ADCY2: variants seen among roughly 807,000 people sequenced by gnomAD.
ADCY2 encodes the protein adenylate cyclase type 2.
In ADCY2, 31 loss-of-function variants were observed where a neutral mutation model predicts 125.2. The observed-to-expected ratio is 0.25, with a 90% confidence interval of 0.19 to 0.33. The LOEUF (loss-of-function observed/expected upper bound fraction) is 0.33. ADCY2 is among the 10% of genes least tolerant of loss of function. The probability of loss-of-function intolerance (pLI) is 1.00; values close to 1 mark genes in which losing one functional copy is unlikely to be tolerated. For synonymous variants in ADCY2, 512 were observed against 548.4 expected, an observed-to-expected ratio of 0.93 and a Z score of 0.93; for missense variants, 904 against 1,418.2, an observed-to-expected ratio of 0.64 and a Z score of 5.82.
chr5:7,785,872 C>T (rs897920415), intron 19 of ADCY2, among the ~76,000 whole-genome samples: 1 of 152,096 alleles, frequency 6.6e-6, no homozygotes, highest in Non-Finnish European at 1.5e-5. Context: ...TGTTATTGGT[C>T]GTTGAGATGA....
chr5:7,578,873 C>A (rs983878360), intron 3 of ADCY2, among the ~76,000 whole-genome samples: 2 of 152,122 alleles, frequency 1.3e-5, no homozygotes, highest in African/African-American at 4.8e-5. Flanking sequence ...CAAATACGGT[C>A]CATCCTGGTT....
At chr5:7,687,261 C>T (rs1740550742) in intron 4 of ADCY2, among the ~76,000 whole-genome samples, 1 of 152,118 alleles carries the variant, frequency 6.6e-6, no homozygotes, top group Non-Finnish European at 1.5e-5. Flanking sequence ...TTAAATGAGG[C>T]TCTGAGTGTG....
chr5:7,692,327 C>T (rs1435834652), intron 5 of ADCY2: 1 of 152,094 alleles, frequency 6.6e-6, no homozygotes, highest in Non-Finnish European at 1.5e-5. Context: ...CTATATAATA[C>T]CCAAGCATAC....
At position 7,540,820 on chromosome 5, in the gene ADCY2, A is replaced by G. The variant is rs893835964; in HGVS notation, c.570+19921A>G. 3.3e-5 allele frequency among the ~76,000 whole-genome samples: 5 copies of G among 151,846 alleles called. No homozygotes were observed. The South Asian group carries it at 8.4e-4, about 25-fold the overall frequency. Reference sequence around the variant, plus strand: ...TGCTTCTCCTGCTTTCCCACCTTCTATTCTCTCATTTGAATTTGGTCCGGA... The same window carrying G: ...TGCTTCTCCTGCTTTCCCACCTTCTGTTCTCTCATTTGAATTTGGTCCGGA... On this transcript the variant is annotated intron_variant, in intron 3 of 24. Coordinates refer to ENST00000338316, the MANE Select transcript of ADCY2 (RefSeq NM_020546.3).
At chr5:7,502,032 C>G (rs1743613139) in intron 2 of ADCY2, among the ~76,000 whole-genome samples, 1 of 152,130 alleles carries the variant, frequency 6.6e-6, no homozygotes, top group Non-Finnish European at 1.5e-5. Flanking sequence ...CAGACACAAC[C>G]ACGCTGTACC....
chr5:7,681,041 T>A (rs1212996381), intron 4 of ADCY2, among the ~76,000 whole-genome samples: 1 of 152,228 alleles, frequency 6.6e-6, no homozygotes, highest in East Asian at 1.9e-4. Flanking sequence ...AACACCTTTA[T>A]TTTTGAGTTT....
At chr5:7,453,467 T>C (rs1579458603) in intron 2 of ADCY2, among the ~76,000 whole-genome samples, 1 of 152,140 alleles carries the variant, frequency 6.6e-6, no homozygotes, top group African/African-American at 2.4e-5. Flanking sequence ...TTACTGGCGG[T>C]GAATCCCTGT....
intron 22 of ADCY2, among the ~76,000 whole-genome samples, chr5:7,814,935 T>C (rs574683164): frequency 1.3e-5 from 2 of 152,250 alleles, no homozygotes; most frequent in South Asian, 4.1e-4. Flanking sequence ...CCAGCGTGCC[T>C]TGCTGGTTCC....
Position 7,568,619 on chromosome 5 carries a change from C to A in ADCY2, c.570+47720C>A, listed in dbSNP as rs542599434. Among the ~76,000 whole-genome samples the A allele has an allele frequency of 3.3e-5, 5 of 152,202 alleles. No individual in the cohort carries two copies. In the South Asian group the frequency reaches 1.0e-3, roughly 32 times the overall value. ...TTCTAATAAAGGCAATGGTTTCACA[C>A]CAGATAGGCTGTTTGCTGCTGCTGC... is the stretch of plus-strand genomic sequence containing the variant. On this transcript the variant is annotated intron_variant, in intron 3 of 24. Coordinates refer to ENST00000338316, the MANE Select transcript of ADCY2 (RefSeq NM_020546.3).
chr5:7,441,896 C>T (rs527308261), intron 2 of ADCY2, among the ~76,000 whole-genome samples: 2 of 152,316 alleles, frequency 1.3e-5, no homozygotes, highest in South Asian at 4.1e-4. Flanking sequence ...GCAGCCTCAG[C>T]TCCTGCCTCA....
intron 2 of ADCY2, among the ~76,000 whole-genome samples, chr5:7,458,235 C>A (rs1741779959): frequency 6.6e-6 from 1 of 151,974 alleles, no homozygotes; most frequent in South Asian, 2.1e-4. Flanking sequence ...AATTAATGAA[C>A]TTTGGACCAA....
chr5:7,720,637 ACATG>A (rs921996568), intron 12 of ADCY2, among the ~76,000 whole-genome samples: 1 of 152,008 alleles, frequency 6.6e-6, no homozygotes, highest in African/African-American at 2.4e-5. Context: ...ATGAGTGAGA[ACATG>A]CGGTGTTTGG....
At chr5:7,572,015 C>T (rs529324273) in intron 3 of ADCY2, among the ~76,000 whole-genome samples, 8 of 152,142 alleles carry the variant, frequency 5.3e-5, no homozygotes, top group Non-Finnish European at 1.2e-4. Flanking sequence ...GTATATATAC[C>T]ACATTTTCTT....
chr5:7,599,059 A>G (rs117473348), intron 3 of ADCY2, among the ~76,000 whole-genome samples: 2,905 of 152,212 alleles, frequency 0.019, 236 homozygotes, highest in Admixed American at 0.15. Context: ...TGACAGATGG[A>G]TTTGTGTAGG....
At chr5:7,656,067 T>G (rs1739313918) in intron 4 of ADCY2, among the ~76,000 whole-genome samples, 2 of 151,468 alleles carry the variant, frequency 1.3e-5, no homozygotes, top group Admixed American at 1.3e-4. Flanking sequence ...TTTTTTTTTT[T>G]TTTTGAGAAG....
intron 2 of ADCY2, among the ~76,000 whole-genome samples, chr5:7,475,991 A>G (rs375553293): frequency 1.3e-5 from 2 of 152,298 alleles, no homozygotes; most frequent in South Asian, 2.1e-4. Context: ...GAAGTTCACC[A>G]TAGTTTTTCA....
chr5:7,748,589 G>A (rs1354954343), intron 15 of ADCY2, among the ~76,000 whole-genome samples: 1 of 150,060 alleles, frequency 6.7e-6, no homozygotes, highest in Non-Finnish European at 1.5e-5. Flanking sequence ...CTGTAATCAG[G>A]CTTCTTGAGG....
intron 4 of ADCY2, among the ~76,000 whole-genome samples, chr5:7,639,729 T>C (rs541818296): frequency 3.3e-5 from 5 of 152,332 alleles, no homozygotes; most frequent in African/African-American, 1.2e-4. Context: ...GAGGCTCACT[T>C]ATATCATCGT....
intron 4 of ADCY2, 91 bp downstream of exon 4, chr5:7,626,407 A>G (rs1260473463): frequency 5.6e-6 from 8 of 1,425,016 alleles, no homozygotes; most frequent in Non-Finnish European, 7.6e-6. Flanking sequence ...TCATTCATTC[A>G]TGAGCTTCAG....
Sources: gnomAD v4.1 joint callset for allele counts (sites outside exome capture counted in the v4.1 genomes callset) on GRCh38, gnomAD v4.1.1 for gene constraint, MANE v1.5 for transcripts, NCBI Gene and HGNC (gene_info 2026-07-23, HGNC 2026-07-21) for gene names.